Variants in MATN2 observed in about 807,000 individuals in gnomAD.
The protein encoded by MATN2 is matrilin 2.
In MATN2, 69 loss-of-function variants were observed where a neutral mutation model predicts 103.2. The ratio of observed to expected loss-of-function variants is 0.67; its 90% CI spans 0.55 to 0.82. MATN2 has a LOEUF of 0.82. MATN2 is among the 40% of genes least tolerant of loss of function. The pLI is 0.00. For synonymous variants in MATN2, 429 were observed against 450.2 expected (o/e 0.95, Z 0.60); for missense variants, 1,023 against 1,211.5 (o/e 0.84, Z 2.31).
intron 1 of MATN2, among the ~76,000 whole-genome samples, chr8:97,883,673 C>T (rs1048013673): frequency 2.0e-5 from 3 of 152,048 alleles, no homozygotes; most frequent in African/African-American, 7.2e-5. Flanking sequence ...CTGCCTCAGC[C>T]TCCTGAGTAG....
At chr8:97,880,744 C>G (rs1446732317) in intron 1 of MATN2, among the ~76,000 whole-genome samples, 1 of 152,162 alleles carries the variant, frequency 6.6e-6, no homozygotes, top group African/African-American at 2.4e-5. Flanking sequence ...ATTGGTCTCT[C>G]TGATTCCTTA....
Position 97,930,773 on chromosome 8 carries a change from C to T in MATN2, c.143-180C>T, listed in dbSNP as rs563625546. ...GAGTAGCTGGGAATACAGGTGCCGCCACCACACCCGGCTAATTTTTGTATT... is the reference window on the plus strand; with the variant it reads ...GAGTAGCTGGGAATACAGGTGCCGCTACCACACCCGGCTAATTTTTGTATT... On this transcript the variant is annotated intron_variant, in intron 2 of 18. Coordinates refer to ENST00000254898, the MANE Select transcript of MATN2 (RefSeq NM_002380.5). Among the ~76,000 whole-genome samples the T allele has an allele frequency of 2.6e-5, 4 of 152,250 alleles. No individual in the cohort carries two copies. In the South Asian group the frequency reaches 8.3e-4, roughly 32 times the overall value.
chr8:97,881,055 T>A (rs1325681699), intron 1 of MATN2, among the ~76,000 whole-genome samples: 1 of 152,170 alleles, frequency 6.6e-6, no homozygotes, highest in East Asian at 1.9e-4. Flanking sequence ...ATTGTGGGGA[T>A]CAAATGAGAT....
At chr8:97,991,012 T>C (rs1812371153) in intron 6 of MATN2, among the ~76,000 whole-genome samples, 1 of 152,174 alleles carries the variant, frequency 6.6e-6, no homozygotes. Flanking sequence ...TTTTTGTCAA[T>C]TATACCTCAA....
chr8:97,873,515 A>T (rs540856644), intron 1 of MATN2, among the ~76,000 whole-genome samples: 18 of 152,090 alleles, frequency 1.2e-4, no homozygotes, highest in Non-Finnish European at 1.9e-4. Context: ...TATGTTTAGT[A>T]GAGACAGGGT....
At chr8:98,016,769 A>G (rs1813377693) in intron 11 of MATN2, 107 bp downstream of exon 11, 3 of 1,351,080 alleles carry the variant, frequency 2.2e-6, no homozygotes, top group Non-Finnish European at 2.1e-6. Flanking sequence ...AATGCCACAC[A>G]GCAAAATGTA....
At position 97,998,988 on chromosome 8, in the gene MATN2, C is replaced by T. The variant is rs958098919; in HGVS notation, c.1204+4386C>T. Among the ~76,000 whole-genome samples the T allele has an allele frequency of 2.6e-5, 4 of 152,278 alleles. No homozygotes were observed. The East Asian group carries it at 7.7e-4, about 29-fold the overall frequency. On this transcript the variant is annotated intron_variant, in intron 7 of 18. Coordinates refer to ENST00000254898, the MANE Select transcript of MATN2 (RefSeq NM_002380.5). ...AAACTGAGACTCTATACCCATTAAACAATAATTCCCCAGCTCCTCCTCCTC... is the reference window on the plus strand; with the variant it reads ...AAACTGAGACTCTATACCCATTAAATAATAATTCCCCAGCTCCTCCTCCTC...
At chr8:97,907,478 ATTT>A (rs751836996) in intron 2 of MATN2, among the ~76,000 whole-genome samples, 29 of 138,672 alleles carry the variant, frequency 2.1e-4, no homozygotes, top group Admixed American at 2.9e-4. Context: ...CAGCTGGCTA[ATTT>A]TTTTTTTTTT....
At chr8:97,882,044 C>T (rs1189680091) in intron 1 of MATN2, among the ~76,000 whole-genome samples, 1 of 150,574 alleles carries the variant, frequency 6.6e-6, no homozygotes, top group Non-Finnish European at 1.5e-5. Flanking sequence ...GCCTCACCCT[C>T]CCAAGTAGCT....
chr8:98,033,145 A>C lies in MATN2; in HGVS notation c.2685A>C (p.Thr895=), dbSNP rs372223458. ...AAGAAGACAATCTTTTACGGTCTAC[A>C]CAAAAGCTTTCCCATTCAACAAAAC... ...LFEEDNLLRS[T]QKLSHSTKPS... is the part of the protein sequence containing the mutation. The change falls in exon 17 of 19, where the codon ACA becomes ACC. Residue 895 remains threonine (T), a synonymous_variant. Coordinates refer to ENST00000254898, the MANE Select transcript of MATN2 (RefSeq NM_002380.5). The C allele has an allele frequency of 7.0e-5, 112 of 1,608,580 alleles. No homozygotes were observed. The highest frequency in any genetic ancestry group is 9.4e-5 in the Non-Finnish European group (111 of 1,177,798).
chr8:98,022,496 G>T (rs1227562731), intron 13 of MATN2, among the ~76,000 whole-genome samples: 1 of 152,118 alleles, frequency 6.6e-6, no homozygotes, highest in African/African-American at 2.4e-5. Flanking sequence ...TTGTGAGGAA[G>T]TTCAGTATTA....
intron 1 of MATN2, among the ~76,000 whole-genome samples, chr8:97,873,014 C>T (rs1281719979): frequency 6.6e-6 from 1 of 152,150 alleles, no homozygotes; most frequent in African/African-American, 2.4e-5. Context: ...ACGCTGGTTT[C>T]GAACTCCTAA....
chr8:97,991,908 G>C (rs1812402790), intron 6 of MATN2, among the ~76,000 whole-genome samples: 1 of 152,022 alleles, frequency 6.6e-6, no homozygotes, highest in South Asian at 2.1e-4. Flanking sequence ...AATTTAAATA[G>C]ACATATTAGG....
At chr8:97,949,732 C>T (rs1810881969) in intron 4 of MATN2, among the ~76,000 whole-genome samples, 1 of 152,124 alleles carries the variant, frequency 6.6e-6, no homozygotes, top group Non-Finnish European at 1.5e-5. Flanking sequence ...CTTGTAATAG[C>T]CCCAAACTGA....
intron 14 of MATN2, among the ~76,000 whole-genome samples, chr8:98,029,453 T>C (rs1445819145): frequency 6.6e-6 from 1 of 152,214 alleles, no homozygotes; most frequent in Admixed American, 6.5e-5. Context: ...AGACAGGTGG[T>C]AGCAGAAACT....
intron 14 of MATN2, among the ~76,000 whole-genome samples, chr8:98,028,446 T>C (rs150538932): frequency 9.2e-5 from 14 of 152,258 alleles, no homozygotes; most frequent in African/African-American, 3.4e-4. Flanking sequence ...GTTGTACAGA[T>C]GTGAAGCGTG....
At chr8:98,008,934 A>G (rs576097870) in intron 10 of MATN2, among the ~76,000 whole-genome samples, 6 of 151,778 alleles carry the variant, frequency 4.0e-5, no homozygotes, top group African/African-American at 1.2e-4. Flanking sequence ...TCTCCTTTGA[A>G]TCAGGTGCCC....
chr8:98,007,148 G>T lies in MATN2; in HGVS notation c.1371G>T (p.Leu457=). 1 of 1,613,364 alleles carries T rather than the reference G, an allele frequency of 6.2e-7. No homozygotes were observed. The highest frequency in any genetic ancestry group is 8.5e-7 in the Non-Finnish European group (1 of 1,179,650). ...AGCAGGACCATGGCTGTGAGCAGCT[G>T]TGTCTGAACACGGAGGATTCCTTCG... ...CAQQDHGCEQ[L]CLNTEDSFVC... Residue 457 remains leucine, a synonymous_variant, in exon 9 of 19, where the codon CTG becomes CTT. Transcript: ENST00000254898. This position sits in a 1 kb window ranked among gnomAD's most constrained non-coding sequence, Gnocchi z 4.2.
chr8:97,888,024 G>A, intron 1 of MATN2, 51 bp from the exon 2 acceptor site: 1 of 1,549,442 alleles, frequency 6.5e-7, no homozygotes, highest in Non-Finnish European at 8.7e-7. Flanking sequence ...TGGAGTTCAG[G>A]GAGACCCGGA....
Sources: allele counts gnomAD v4.1 joint callset (sites outside exome capture counted in the v4.1 genomes callset), GRCh38; gene constraint gnomAD v4.1.1; non-coding constraint Gnocchi (gnomAD v3.1); transcripts MANE v1.5; gene names NCBI Gene and HGNC (gene_info 2026-07-23, HGNC 2026-07-21).